TMEM163: variants seen among roughly 807,000 people sequenced by gnomAD.
The protein encoded by TMEM163 is transmembrane protein 163.
In TMEM163, 17 loss-of-function variants were observed where a neutral mutation model predicts 29.3. The observed-to-expected ratio is 0.58, with a 90% CI of 0.40 to 0.87. TMEM163 has a LOEUF of 0.87. Among genes scored for constraint, TMEM163 ranks in the 40% least tolerant of loss-of-function variants. The pLI is 0.00. For synonymous variants in TMEM163, 157 were observed against 160.6 expected (o/e 0.98, Z 0.17); for missense variants, 303 against 381.5 (o/e 0.79, Z 1.71).
intron 4 of TMEM163, among the ~76,000 whole-genome samples, chr2:134,528,443 G>A (rs1378416427): frequency 2.0e-5 from 3 of 152,148 alleles, no homozygotes; most frequent in African/African-American, 7.2e-5. Flanking sequence ...TGCCTCAGAT[G>A]ATACATTTTG....
chr2:134,605,432 G>T (rs531432277), intron 2 of TMEM163, among the ~76,000 whole-genome samples: 1 of 151,964 alleles, frequency 6.6e-6, no homozygotes, highest in Non-Finnish European at 1.5e-5. Context: ...GGCCAGGCAG[G>T]GTAGCCTGTA....
At chr2:134,555,832 A>G (rs753481595) in intron 2 of TMEM163, among the ~76,000 whole-genome samples, 1 of 152,202 alleles carries the variant, frequency 6.6e-6, no homozygotes, top group Non-Finnish European at 1.5e-5. Context: ...ATCCCATAAG[A>G]GCATCCTGAT....
At chr2:134,699,448 G>T (rs1320975894) in intron 2 of TMEM163, among the ~76,000 whole-genome samples, 1 of 151,600 alleles carries the variant, frequency 6.6e-6, no homozygotes, top group African/African-American at 2.4e-5. Flanking sequence ...AGGTTGCAGT[G>T]AGCCAAGACT....
intron 5 of TMEM163, among the ~76,000 whole-genome samples, chr2:134,474,952 A>G (rs1686882689): frequency 6.6e-6 from 1 of 152,174 alleles, no homozygotes; most frequent in Non-Finnish European, 1.5e-5. Context: ...GCCAAATCCC[A>G]GCAGGCTTTT....
At chr2:134,718,208 C>T (rs1412047467) in intron 1 of TMEM163, among the ~76,000 whole-genome samples, 1 of 152,254 alleles carries the variant, frequency 6.6e-6, no homozygotes, top group African/African-American at 2.4e-5. Context: ...GCCCGAGTCC[C>T]GGCTCGCTCC....
chr2:134,672,731 C>T (rs946660215), intron 2 of TMEM163, among the ~76,000 whole-genome samples: 4 of 152,122 alleles, frequency 2.6e-5, no homozygotes, highest in East Asian at 1.9e-4. Context: ...TAAGCCTGCT[C>T]ACCATCTATA....
chr2:134,691,887 C>T (rs1224591692), intron 2 of TMEM163, among the ~76,000 whole-genome samples: 1 of 152,188 alleles, frequency 6.6e-6, no homozygotes, highest in South Asian at 2.1e-4. Context: ...ATCCTAATCC[C>T]TAGAACCTGT....
At chr2:134,710,842 C>T (rs1559000697) in intron 2 of TMEM163, among the ~76,000 whole-genome samples, 1 of 152,062 alleles carries the variant, frequency 6.6e-6, no homozygotes, top group South Asian at 2.1e-4. Context: ...GGCACACACT[C>T]CAAAACTTCC....
intron 5 of TMEM163, among the ~76,000 whole-genome samples, chr2:134,482,338 T>C (rs1268331430): frequency 6.6e-6 from 1 of 152,166 alleles, no homozygotes. Context: ...CGATGAACTG[T>C]GGCCACTGAC....
intron 2 of TMEM163, among the ~76,000 whole-genome samples, chr2:134,670,472 A>G (rs766424448): frequency 2.0e-5 from 3 of 152,126 alleles, no homozygotes; most frequent in Non-Finnish European, 4.4e-5. Context: ...CTCTCCAGCA[A>G]TCTTGCCCTG....
chr2:134,508,054 G>T (rs1679865266), intron 4 of TMEM163, among the ~76,000 whole-genome samples: 1 of 152,124 alleles, frequency 6.6e-6, no homozygotes, highest in Admixed American at 6.5e-5. Context: ...TGATTCTGAA[G>T]TTATAAGGGC....
chr2:134,517,368 G>A (rs753766410), intron 4 of TMEM163, among the ~76,000 whole-genome samples: 14 of 152,150 alleles, frequency 9.2e-5, no homozygotes, highest in Non-Finnish European at 1.9e-4. Flanking sequence ...GGGGAATTAC[G>A]GAGAAATAGA....
intron 2 of TMEM163, among the ~76,000 whole-genome samples, chr2:134,575,188 A>G (rs1436702237): frequency 6.6e-6 from 1 of 152,122 alleles, no homozygotes; most frequent in Non-Finnish European, 1.5e-5. Flanking sequence ...AGAGGAAGTA[A>G]GTGACCACAA....
chr2:134,506,575 G>A (rs10186313), intron 4 of TMEM163, among the ~76,000 whole-genome samples: 33,835 of 152,030 alleles, frequency 0.22, 5,471 homozygotes, highest in East Asian at 0.5. Flanking sequence ...GGTCACTCAA[G>A]GAGTTTGTGA....
At chr2:134,463,947 G>A (rs1686606188) in intron 6 of TMEM163, among the ~76,000 whole-genome samples, 1 of 152,224 alleles carries the variant, frequency 6.6e-6, no homozygotes, top group African/African-American at 2.4e-5. Context: ...GCTTGAGGAA[G>A]GGGGTCCTGC....
At chr2:134,588,531 T>C (rs1293745962) in intron 2 of TMEM163, among the ~76,000 whole-genome samples, 1 of 152,130 alleles carries the variant, frequency 6.6e-6, no homozygotes, top group Non-Finnish European at 1.5e-5. Flanking sequence ...GAGAGGGCAC[T>C]GAACCAGCAT....
intron 2 of TMEM163, among the ~76,000 whole-genome samples, chr2:134,586,139 T>C (rs1404327393): frequency 6.6e-6 from 1 of 152,250 alleles, no homozygotes; most frequent in Non-Finnish European, 1.5e-5. Context: ...GGATGGCACC[T>C]GTTGGAGAAA....
intron 2 of TMEM163, among the ~76,000 whole-genome samples, chr2:134,606,842 C>T (rs1186368237): frequency 6.6e-6 from 1 of 152,208 alleles, no homozygotes; most frequent in Admixed American, 6.5e-5. Context: ...GGTAAACTTT[C>T]GTTTGGCGAA....
intron 4 of TMEM163, among the ~76,000 whole-genome samples, chr2:134,543,458 T>C (rs751738768): frequency 2.0e-5 from 3 of 152,180 alleles, no homozygotes; most frequent in Middle Eastern, 6.3e-3. Flanking sequence ...GTGGAATAAA[T>C]AGGATTCACT....
Sources: gnomAD v4.1 joint callset for allele counts (sites outside exome capture counted in the v4.1 genomes callset) on GRCh38, gnomAD v4.1.1 for gene constraint, MANE v1.5 for transcripts, NCBI Gene and HGNC (gene_info 2026-07-23, HGNC 2026-07-21) for gene names.